The following FRAS1 variants were observed in gnomAD, a reference collection of about 807,000 sequenced individuals.
FRAS1 encodes the protein Fraser extracellular matrix complex subunit 1, also known as extracellular matrix organizing protein FRAS1.
FRAS1 carries 290 observed loss-of-function variants against 435.2 expected under a neutral mutation model. The observed-to-expected ratio is 0.67, with a 90% CI of 0.61 to 0.73. The LOEUF is 0.73. FRAS1 is among the 30% of genes least tolerant of loss of function. The probability of loss-of-function intolerance (pLI) is 0.00; values close to 1 mark genes in which losing one functional copy is unlikely to be tolerated. For missense variants in FRAS1, 4,860 were observed against 5,001.5 expected, an observed-to-expected ratio of 0.97 and a Z score of 0.85; for synonymous variants, 1,800 against 1,851.0, an observed-to-expected ratio of 0.97 and a Z score of 0.71.
At chr4:78,288,926 A>G (rs1472189559) in intron 14 of FRAS1, among the ~76,000 whole-genome samples, 1 of 152,232 alleles carries the variant, frequency 6.6e-6, no homozygotes, top group Non-Finnish European at 1.5e-5. Context: ...TTCAAAAAGA[A>G]GCCTGCCATT....
chr4:78,123,354 G>A (rs936877586), intron 2 of FRAS1, among the ~76,000 whole-genome samples: 1 of 152,178 alleles, frequency 6.6e-6, no homozygotes, highest in African/African-American at 2.4e-5. Flanking sequence ...TTTGGTACCA[G>A]TACCGTGCTG....
intron 2 of FRAS1, among the ~76,000 whole-genome samples, chr4:78,122,710 C>T (rs903451987): frequency 6.6e-5 from 10 of 152,122 alleles, no homozygotes; most frequent in Non-Finnish European, 1.2e-4. Context: ...TTTTGATTTG[C>T]ATTTTTCTAA....
intron 18 of FRAS1, among the ~76,000 whole-genome samples, chr4:78,319,868 G>T (rs939856752): frequency 5.9e-5 from 9 of 152,190 alleles, no homozygotes; most frequent in African/African-American, 2.2e-4. Flanking sequence ...CAGGCACAAG[G>T]TGTCATATGG....
intron 2 of FRAS1, among the ~76,000 whole-genome samples, chr4:78,096,003 G>A (rs1040687141): frequency 3.9e-5 from 6 of 152,140 alleles, no homozygotes; most frequent in African/African-American, 1.2e-4. Flanking sequence ...CTGAGACAAG[G>A]CAAGTCCCTT....
chr4:78,159,936 A>G (rs1395022123), intron 2 of FRAS1, among the ~76,000 whole-genome samples: 2 of 152,164 alleles, frequency 1.3e-5, no homozygotes, highest in East Asian at 1.9e-4. Flanking sequence ...GATTATTCCT[A>G]TATCTTATTA....
At chr4:78,320,337 C>T (rs1266532737) in intron 18 of FRAS1, among the ~76,000 whole-genome samples, 2 of 152,190 alleles carry the variant, frequency 1.3e-5, no homozygotes. Context: ...ACACAGCCTT[C>T]CCCTGTGGTC....
At chr4:78,122,571 G>A (rs1719091818) in intron 2 of FRAS1, among the ~76,000 whole-genome samples, 1 of 152,046 alleles carries the variant, frequency 6.6e-6, no homozygotes, top group Admixed American at 6.6e-5. Context: ...CACAATGGTT[G>A]AACTAATTTA....
intron 20 of FRAS1, among the ~76,000 whole-genome samples, chr4:78,339,573 A>T (rs990211433): frequency 1.3e-5 from 2 of 152,216 alleles, no homozygotes; most frequent in African/African-American, 2.4e-5. Context: ...ATCCTGTGAG[A>T]CAGAGGGAGA....
At chr4:78,477,075 A>G (rs1719874105) in intron 54 of FRAS1, among the ~76,000 whole-genome samples, 1 of 152,024 alleles carries the variant, frequency 6.6e-6, no homozygotes, top group African/African-American at 2.4e-5. Flanking sequence ...TCTGTTTTGT[A>G]CTGGGCTAAA....
At chr4:78,512,181 T>C (rs1244542277) in intron 64 of FRAS1, among the ~76,000 whole-genome samples, 1 of 152,224 alleles carries the variant, frequency 6.6e-6, no homozygotes, top group African/African-American at 2.4e-5. Context: ...GTTTTCATTT[T>C]TGCATAGCAA....
Position 78,452,366 on chromosome 4 carries a change from A to G in FRAS1, c.6763+12A>G, listed in dbSNP as rs185282133. The G allele has an allele frequency of 1.2e-3, 1,906 of 1,582,926 alleles. 4 individuals carry two copies. Among genetic ancestry groups the G allele is most frequent in the Middle Eastern group, 3.2e-3 (19 of 5,932 alleles). The stretch of plus-strand genomic sequence containing the variant: ...TGCAGCATCACCAGGTAAGTCTATC[A>G]TCTCTTGATTTACTGAATCAAAACT... On this transcript the variant is annotated intron_variant, in intron 47 of 73. Coordinates refer to ENST00000512123, the MANE Select transcript of FRAS1 (RefSeq NM_025074.7).
intron 6 of FRAS1, among the ~76,000 whole-genome samples, chr4:78,258,206 T>C (rs2110141197): frequency 6.6e-6 from 1 of 152,182 alleles, no homozygotes; most frequent in East Asian, 1.9e-4. Context: ...CCGGACATGA[T>C]GGTTCATGCC....
At chr4:78,134,661 C>T (rs183209717) in intron 2 of FRAS1, among the ~76,000 whole-genome samples, 1 of 152,284 alleles carries the variant, frequency 6.6e-6, no homozygotes, top group African/African-American at 2.4e-5. Flanking sequence ...GGATTTAAAG[C>T]TTCCAGTAAC....
intron 30 of FRAS1, 97 bp downstream of exon 30, chr4:78,400,984 G>T: frequency 9.0e-7 from 1 of 1,114,166 alleles, no homozygotes; most frequent in Non-Finnish European, 1.3e-6. Context: ...CAATTCCAAT[G>T]AACTGAGCTT....
chr4:78,273,879 A>G (rs980356431), intron 9 of FRAS1, among the ~76,000 whole-genome samples: 1 of 152,232 alleles, frequency 6.6e-6, no homozygotes, highest in African/African-American at 2.4e-5. Context: ...GAATAGTTTC[A>G]GAAGGAATGG....
At chr4:78,528,323 C>T (rs1721606031) in intron 70 of FRAS1, among the ~76,000 whole-genome samples, 3 of 152,142 alleles carry the variant, frequency 2.0e-5, no homozygotes, top group Admixed American at 1.3e-4. Context: ...TATGTATACA[C>T]TTGTGAAACA....
intron 2 of FRAS1, among the ~76,000 whole-genome samples, chr4:78,082,227 G>C (rs1425316303): frequency 6.6e-6 from 1 of 151,948 alleles, no homozygotes; most frequent in Non-Finnish European, 1.5e-5. Context: ...CTTCTTTATT[G>C]AAAATATATG....
chr4:78,081,737 T>A (rs985574222), intron 2 of FRAS1, among the ~76,000 whole-genome samples: 2 of 152,086 alleles, frequency 1.3e-5, no homozygotes, highest in Non-Finnish European at 2.9e-5. Context: ...GTTAAGGAAG[T>A]CCAGGCCTGA....
At chr4:78,070,658 A>C (rs1281444874) in intron 2 of FRAS1, 3 of 152,208 alleles carry the variant, frequency 2.0e-5, no homozygotes, top group Non-Finnish European at 1.5e-5. Flanking sequence ...AATAGGTTTA[A>C]CTGTGATGTC....
Sources: gnomAD v4.1 joint callset for allele counts (sites outside exome capture counted in the v4.1 genomes callset) on GRCh38, gnomAD v4.1.1 for gene constraint, MANE v1.5 for transcripts, NCBI Gene and HGNC (gene_info 2026-07-23, HGNC 2026-07-21) for gene names.